HDAC9: variants seen among roughly 807,000 people sequenced by gnomAD.
HDAC9 encodes the protein MEF-2 interacting transcription repressor (MITR) protein.
In HDAC9, 41 loss-of-function variants were observed where a neutral mutation model predicts 139.4. That is an observed-to-expected ratio of 0.29 (90% CI 0.23 to 0.38). The LOEUF (loss-of-function observed/expected upper bound fraction) is 0.38, where lower values mean the gene tolerates loss of function less well. HDAC9 is among the 10% of genes least tolerant of loss of function. HDAC9 has a pLI of 1.00. For missense variants in HDAC9, 1,147 were observed against 1,297.0 expected, an observed-to-expected ratio of 0.88 and a Z score of 1.78; for synonymous variants, 517 against 476.2, an observed-to-expected ratio of 1.09 and a Z score of -1.12.
At chr7:18,227,142 T>G (rs551445100) in intron 2 of HDAC9, among the ~76,000 whole-genome samples, 2 of 152,196 alleles carry the variant, frequency 1.3e-5, no homozygotes, top group Non-Finnish European at 2.9e-5. Flanking sequence ...GAATGCCTTT[T>G]ATTTGAAATA....
chr7:18,718,077 G>C (rs1483821826), intron 12 of HDAC9, among the ~76,000 whole-genome samples: 3 of 152,044 alleles, frequency 2.0e-5, no homozygotes, highest in African/African-American at 7.2e-5. Context: ...GTCAATGTTA[G>C]AACATTTTCA....
At chr7:18,908,584 A>T (rs1802477094) in intron 22 of HDAC9, among the ~76,000 whole-genome samples, 1 of 151,730 alleles carries the variant, frequency 6.6e-6, no homozygotes, top group Admixed American at 6.6e-5. Context: ...ACACTATTCT[A>T]CTCTCTACTT....
At position 18,735,700 on chromosome 7, in the gene HDAC9, A is replaced by G. The variant is rs7776647; in HGVS notation, c.1909+7943A>G. ...TCCAGGTTTGTTCTTTTTGCTTAGG[A>G]TTGTCTTGGCTATGCAGGCTCTTTT... On this transcript the variant is annotated intron_variant, in intron 13 of 25. Transcript: ENST00000686413. Among the ~76,000 whole-genome samples, 414 of 152,168 alleles carry G rather than the reference A, an allele frequency of 2.7e-3. 2 individuals are homozygous for G. The highest frequency in any genetic ancestry group is 9.5e-3 in the African/African-American group (395 of 41,510).
At chr7:18,889,812 C>G (rs1000382894) in intron 22 of HDAC9, among the ~76,000 whole-genome samples, 1 of 152,202 alleles carries the variant, frequency 6.6e-6, no homozygotes, top group Non-Finnish European at 1.5e-5. Flanking sequence ...ATCCTCCCAC[C>G]TCAGCCTTCT....
At chr7:18,678,211 C>G (rs1781652996) in intron 12 of HDAC9, among the ~76,000 whole-genome samples, 1 of 151,738 alleles carries the variant, frequency 6.6e-6, no homozygotes, top group Admixed American at 6.6e-5. Flanking sequence ...TTTAGTAACT[C>G]TTAACATTAA....
At chr7:18,384,643 C>G (rs936662889) in intron 1 of HDAC9, among the ~76,000 whole-genome samples, 3 of 151,854 alleles carry the variant, frequency 2.0e-5, no homozygotes, top group Non-Finnish European at 4.4e-5. Context: ...GTAAATACTC[C>G]AAAATCACTG....
intron 2 of HDAC9, among the ~76,000 whole-genome samples, chr7:18,269,938 A>G (rs564820003): frequency 1.3e-5 from 2 of 152,234 alleles, no homozygotes; most frequent in Admixed American, 6.5e-5. Flanking sequence ...AGCAGTCCAC[A>G]CAAAAGGGCT....
intron 22 of HDAC9, among the ~76,000 whole-genome samples, chr7:18,922,987 T>G (rs1232392474): frequency 1.3e-5 from 2 of 152,024 alleles, no homozygotes; most frequent in East Asian, 1.9e-4. Flanking sequence ...AGTTGGAAAT[T>G]ATTAGGATGA....
At chr7:18,233,964 C>T (rs1345193718) in intron 2 of HDAC9, among the ~76,000 whole-genome samples, 2 of 151,996 alleles carry the variant, frequency 1.3e-5, no homozygotes, top group African/African-American at 4.8e-5. Flanking sequence ...TAGTCATCTG[C>T]ATCAATTACA....
chr7:18,991,041 G>C (rs1212075301), intron 25 of HDAC9, among the ~76,000 whole-genome samples: 1 of 152,218 alleles, frequency 6.6e-6, no homozygotes, highest in African/African-American at 2.4e-5. Context: ...GACCGGAGCT[G>C]TTCCTATTCG....
chr7:18,717,788 A>C (rs1784818028), intron 12 of HDAC9, among the ~76,000 whole-genome samples: 1 of 152,166 alleles, frequency 6.6e-6, no homozygotes, highest in Non-Finnish European at 1.5e-5. Flanking sequence ...ATATAAAAAT[A>C]TATATACAAA....
At chr7:18,548,997 T>C (rs1207091959) in intron 2 of HDAC9, among the ~76,000 whole-genome samples, 1 of 152,140 alleles carries the variant, frequency 6.6e-6, no homozygotes, top group Admixed American at 6.5e-5. Context: ...CTCAGCACTT[T>C]GGGAGGCCAA....
chr7:18,265,601 T>A (rs1406423397), intron 2 of HDAC9, among the ~76,000 whole-genome samples: 1 of 146,436 alleles, frequency 6.8e-6, no homozygotes, highest in Non-Finnish European at 1.5e-5. Context: ...TTTTTTCATT[T>A]AGAAGAAAAT....
At chr7:18,372,756 C>A (rs1784691704) in intron 1 of HDAC9, among the ~76,000 whole-genome samples, 1 of 151,342 alleles carries the variant, frequency 6.6e-6, no homozygotes, top group Non-Finnish European at 1.5e-5. Flanking sequence ...CAGCTTCTGG[C>A]AGACTTGGTT....
intron 2 of HDAC9, among the ~76,000 whole-genome samples, chr7:18,219,954 C>G (rs1169767703): frequency 6.6e-6 from 1 of 152,140 alleles, no homozygotes; most frequent in Non-Finnish European, 1.5e-5. Context: ...TCCTTTCAGC[C>G]TGTTTTCTCA....
intron 1 of HDAC9, among the ~76,000 whole-genome samples, chr7:18,411,979 C>G (rs373151627): frequency 6.6e-6 from 1 of 151,960 alleles, no homozygotes; most frequent in East Asian, 1.9e-4. Flanking sequence ...GTGTGCACCA[C>G]TATGCCCAGC....
intron 2 of HDAC9, among the ~76,000 whole-genome samples, chr7:18,201,082 C>G (rs1453064233): frequency 6.6e-6 from 1 of 152,144 alleles, no homozygotes; most frequent in Non-Finnish European, 1.5e-5. Context: ...TCACAGGAAG[C>G]TACGGCACTG....
chr7:18,359,546 A>G (rs1352978578), intron 1 of HDAC9, among the ~76,000 whole-genome samples: 1 of 152,168 alleles, frequency 6.6e-6, no homozygotes, highest in Non-Finnish European at 1.5e-5. Flanking sequence ...AGTACAATGA[A>G]CTTGCATGTA....
At chr7:18,814,464 G>T (rs1302174272) in intron 17 of HDAC9, among the ~76,000 whole-genome samples, 1 of 152,056 alleles carries the variant, frequency 6.6e-6, no homozygotes. Flanking sequence ...CTCTGCAAAA[G>T]ACATTGTTTG....
Sources: allele counts gnomAD v4.1 joint callset (sites outside exome capture counted in the v4.1 genomes callset), GRCh38; gene constraint gnomAD v4.1.1; transcripts MANE v1.5; gene names NCBI Gene and HGNC (gene_info 2026-07-23, HGNC 2026-07-21).